DLGAP2: variants seen among roughly 807,000 people sequenced by gnomAD.
DLGAP2 encodes the protein DLG associated protein 2, also known as disks large-associated protein 2.
A neutral mutation model predicts 100.3 loss-of-function variants in DLGAP2; 26 were observed. The observed-to-expected ratio is 0.26, with a 90% CI of 0.19 to 0.36. The LOEUF (loss-of-function observed/expected upper bound fraction) is 0.36, where lower values mean the gene tolerates loss of function less well. DLGAP2 is among the 10% of genes least tolerant of loss of function. DLGAP2 has a pLI of 1.00. For synonymous variants in DLGAP2, 886 were observed against 630.1 expected, an observed-to-expected ratio of 1.41 and a Z score of -6.08; for missense variants, 1,858 against 1,453.2, an observed-to-expected ratio of 1.28 and a Z score of -4.53.
chr8:897,120 C>T (rs1798157049), intron 1 of DLGAP2, among the ~76,000 whole-genome samples: 1 of 152,122 alleles, frequency 6.6e-6, no homozygotes, highest in South Asian at 2.1e-4. Flanking sequence ...GGTTCAGCAG[C>T]AGGTCTCTGT....
intron 1 of DLGAP2, among the ~76,000 whole-genome samples, chr8:741,395 C>G (rs1820480062): frequency 6.6e-6 from 1 of 152,186 alleles, no homozygotes; most frequent in Non-Finnish European, 1.5e-5. Context: ...TGTCATTCTT[C>G]TGTGCACTGA....
chr8:1,258,235 T>C (rs1799269881), intron 2 of DLGAP2, among the ~76,000 whole-genome samples: 1 of 152,240 alleles, frequency 6.6e-6, no homozygotes, highest in South Asian at 2.1e-4. Flanking sequence ...GTTTCAATAT[T>C]GAAACTGGGA....
intron 1 of DLGAP2, among the ~76,000 whole-genome samples, chr8:808,554 G>A (rs1466088495): frequency 6.6e-6 from 1 of 152,196 alleles, no homozygotes; most frequent in African/African-American, 2.4e-5. Context: ...CTGAAGGGTG[G>A]GGTTGGTGCC....
intron 4 of DLGAP2, among the ~76,000 whole-genome samples, chr8:1,540,730 C>G (rs1801334466): frequency 6.6e-6 from 1 of 152,218 alleles, no homozygotes; most frequent in African/African-American, 2.4e-5. Flanking sequence ...GCGGCCGTGA[C>G]CAGCAGTGCT....
At chr8:1,487,719 C>T (rs987249259) in intron 3 of DLGAP2, among the ~76,000 whole-genome samples, 1 of 152,202 alleles carries the variant, frequency 6.6e-6, no homozygotes, top group Non-Finnish European at 1.5e-5. Context: ...CAGGCCAGGT[C>T]CCACCTGTGC....
intron 1 of DLGAP2, among the ~76,000 whole-genome samples, chr8:756,429 C>G (rs976101283): frequency 6.6e-6 from 1 of 152,172 alleles, no homozygotes; most frequent in Admixed American, 6.5e-5. Context: ...TTAATTAGCA[C>G]AGATGCAATC....
At chr8:1,498,871 A>G (rs1242235772) in intron 3 of DLGAP2, among the ~76,000 whole-genome samples, 1 of 152,218 alleles carries the variant, frequency 6.6e-6, no homozygotes, top group East Asian at 1.9e-4. Context: ...CCACAGTTAT[A>G]CTGACACACA....
intron 3 of DLGAP2, among the ~76,000 whole-genome samples, chr8:1,446,902 T>C (rs1308670377): frequency 2.0e-5 from 3 of 152,202 alleles, no homozygotes; most frequent in Admixed American, 1.3e-4. Flanking sequence ...TTGCCTGTTA[T>C]TGGTGTATAA....
chr8:1,654,611 C>T (rs946316726), intron 8 of DLGAP2, among the ~76,000 whole-genome samples: 4 of 144,506 alleles, frequency 2.8e-5, no homozygotes, highest in African/African-American at 7.6e-5. Flanking sequence ...CAGTGAGCTG[C>T]GATCACGCCA....
chr8:859,480 G>C (rs750572325), intron 1 of DLGAP2, among the ~76,000 whole-genome samples: 2 of 152,146 alleles, frequency 1.3e-5, no homozygotes, highest in Non-Finnish European at 2.9e-5. Flanking sequence ...TTGCCTGAGA[G>C]CTGGTTAGCG....
rs147233530 is a variant in DLGAP2, at chr8:832,541, A to AT, written c.19-75368dup. On this transcript the variant is annotated intron_variant, in intron 1 of 14. Transcript: ENST00000637795. ...GTCTGATTGGTGAATCCACTGTTGT[A>AT]TTTACTGAGAAGTGATACTATTAAA... 2.3e-3 allele frequency among the ~76,000 whole-genome samples: 351 copies of AT among 152,250 alleles called. 1 individual carries two copies. Among genetic ancestry groups the AT allele is most frequent in the African/African-American group, 8.0e-3 (332 of 41,530 alleles).
In DLGAP2 at chr8:1,678,531, C is replaced by G. The variant is rs1268504679; in HGVS notation, c.2606C>G (p.Ser869Trp). The G allele has an allele frequency of 1.2e-6, 2 of 1,601,914 alleles. No homozygotes were observed. Among genetic ancestry groups the G allele is most frequent in the African/African-American group, 2.7e-5 (2 of 74,786 alleles). Residue 869 changes from serine to tryptophan, a missense_variant, in exon 12 of 15, where the codon TCG becomes TGG. By Grantham distance (177) the Ser-to-Trp change is radical. Coordinates refer to ENST00000637795, the MANE Select transcript of DLGAP2 (RefSeq NM_001346810.2). ...GRMSPCRRDG[S>W]WFLKLLHAET... The stretch of plus-strand genomic sequence containing the variant: ...ATGTCTCCGTGCCGCAGGGATGGCT[C>G]GTGGTTTTTGAAGCTGCTGCACGCA...
chr8:1,588,869 C>A (rs1796207624), intron 6 of DLGAP2, among the ~76,000 whole-genome samples: 1 of 152,090 alleles, frequency 6.6e-6, no homozygotes, highest in African/African-American at 2.4e-5. Context: ...TTGCATTGAG[C>A]CGAGATCACG....
intron 3 of DLGAP2, among the ~76,000 whole-genome samples, chr8:1,427,909 G>A (rs139344274): frequency 3.5e-4 from 54 of 152,176 alleles, no homozygotes; most frequent in Middle Eastern, 6.8e-3. Context: ...TAACAGTGCC[G>A]CAATGAATAT....
intron 3 of DLGAP2, among the ~76,000 whole-genome samples, chr8:1,498,859 A>T (rs997300566): frequency 3.3e-5 from 5 of 152,200 alleles, no homozygotes; most frequent in Non-Finnish European, 5.9e-5. Flanking sequence ...GAAGGATGGT[A>T]CCCACAGTTA....
chr8:1,155,193 A>G (rs989738110), intron 2 of DLGAP2, among the ~76,000 whole-genome samples: 2 of 152,094 alleles, frequency 1.3e-5, no homozygotes, highest in African/African-American at 4.8e-5. Context: ...CCCAGCACAC[A>G]CCAGGGTTTC....
chr8:982,906 T>TTA (rs1800378389), intron 2 of DLGAP2, among the ~76,000 whole-genome samples: 1 of 139,954 alleles, frequency 7.1e-6, no homozygotes, highest in African/African-American at 2.6e-5. Flanking sequence ...TTTTTTTTTT[T>TTA]ACATTTCTGA....
intron 3 of DLGAP2, among the ~76,000 whole-genome samples, chr8:1,296,750 C>T (rs940462207): frequency 6.6e-6 from 1 of 152,176 alleles, no homozygotes; most frequent in Non-Finnish European, 1.5e-5. Context: ...TTGCGGGAAA[C>T]GTGGTAAGTG....
intron 2 of DLGAP2, among the ~76,000 whole-genome samples, chr8:1,072,481 C>T (rs936573596): frequency 1.3e-5 from 2 of 152,266 alleles, no homozygotes; most frequent in African/African-American, 2.4e-5. Flanking sequence ...TCCTCATTCA[C>T]GTTATCTTGG....
Sources: gnomAD v4.1 joint callset for allele counts (sites outside exome capture counted in the v4.1 genomes callset) on GRCh38, gnomAD v4.1.1 for gene constraint, MANE v1.5 for transcripts, NCBI Gene and HGNC (gene_info 2026-07-23, HGNC 2026-07-21) for gene names.